Variants in MBNL2 observed in about 807,000 individuals in gnomAD.
MBNL2 encodes the protein muscleblind-like protein 2.
MBNL2 carries 17 observed loss-of-function variants against 41.9 expected under a neutral mutation model. The ratio of observed to expected loss-of-function variants is 0.41; its 90% CI spans 0.28 to 0.61. The LOEUF is 0.61. MBNL2 is among the 20% of genes least tolerant of loss of function. MBNL2 has a pLI of 0.35. For missense variants in MBNL2, 336 were observed against 505.6 expected (o/e 0.66, Z 3.22); for synonymous variants, 195 against 182.9 (o/e 1.07, Z -0.53).
At chr13:97,191,109 G>T in the MBNL2 span, among the ~76,000 whole-genome samples, 1 of 151,964 alleles carries the variant, frequency 6.6e-6, no homozygotes. Context: ...AAAAAGAGTT[G>T]TCACCAGCAC....
intron 1 of MBNL2, among the ~76,000 whole-genome samples, chr13:97,262,826 C>G (rs534793977): frequency 6.6e-6 from 1 of 152,106 alleles, no homozygotes; most frequent in Non-Finnish European, 1.5e-5. Context: ...TGCAGTGGCA[C>G]GATCTCAGCT....
At chr13:97,155,058 A>G in the MBNL2 span, among the ~76,000 whole-genome samples, 7 of 152,140 alleles carry the variant, frequency 4.6e-5, no homozygotes, top group Non-Finnish European at 1.0e-4. Context: ...CAATTGTGAG[A>G]TGAGCCCAAA....
At chr13:97,341,534 C>T (rs1451433795) in intron 3 of MBNL2, among the ~76,000 whole-genome samples, 1 of 152,100 alleles carries the variant, frequency 6.6e-6, no homozygotes, top group Non-Finnish European at 1.5e-5. Context: ...AAAATTCTAA[C>T]TGCCATCTAT....
chr13:97,174,719 A>G, the MBNL2 span, among the ~76,000 whole-genome samples: 6 of 152,194 alleles, frequency 3.9e-5, no homozygotes, highest in Non-Finnish European at 8.8e-5. Context: ...GCACACTTCA[A>G]TGCCAATTAA....
At chr13:97,206,623 G>A in the MBNL2 span, among the ~76,000 whole-genome samples, 81 of 152,232 alleles carry the variant, frequency 5.3e-4, 1 homozygote, top group Non-Finnish European at 1.1e-3. Flanking sequence ...AAGAATCTTA[G>A]GGACAGGAGA....
intron 2 of MBNL2, among the ~76,000 whole-genome samples, chr13:97,314,989 CTT>C (rs2058915697): frequency 6.6e-6 from 1 of 152,056 alleles, no homozygotes; most frequent in Non-Finnish European, 1.5e-5. Flanking sequence ...GTAATATACT[CTT>C]ATTAAAATGA....
intron 2 of MBNL2, among the ~76,000 whole-genome samples, chr13:97,284,873 T>G (rs890870643): frequency 6.6e-6 from 1 of 152,230 alleles, no homozygotes; most frequent in Admixed American, 6.5e-5. Context: ...TATAAATGAA[T>G]GGAGTACAAT....
chr13:97,167,814 A>G, the MBNL2 span, among the ~76,000 whole-genome samples: 2 of 152,214 alleles, frequency 1.3e-5, no homozygotes, highest in East Asian at 1.9e-4. Flanking sequence ...AGTACATTTC[A>G]TTCTGTCTCA....
intron 1 of MBNL2, among the ~76,000 whole-genome samples, chr13:97,251,270 A>G (rs1195307045): frequency 6.6e-6 from 1 of 151,746 alleles, no homozygotes; most frequent in Non-Finnish European, 1.5e-5. Flanking sequence ...GAATGTTTGT[A>G]ACATGGAGAA....
intron 1 of MBNL2, among the ~76,000 whole-genome samples, chr13:97,265,624 T>TA (rs933150442): frequency 6.6e-6 from 1 of 152,134 alleles, no homozygotes; most frequent in Non-Finnish European, 1.5e-5. Flanking sequence ...TAACTTTTAG[T>TA]AAAAAAGTTA....
the MBNL2 span, among the ~76,000 whole-genome samples, chr13:97,207,914 C>T: frequency 6.6e-6 from 1 of 152,274 alleles, no homozygotes; most frequent in African/African-American, 2.4e-5. Context: ...GCTACAGGCC[C>T]CATGCAAGTT....
the MBNL2 span, among the ~76,000 whole-genome samples, chr13:97,152,154 C>G: frequency 6.6e-6 from 1 of 151,960 alleles, no homozygotes; most frequent in Non-Finnish European, 1.5e-5. Flanking sequence ...AAGGAACATT[C>G]AGAACATTCT....
intron 7 of MBNL2, among the ~76,000 whole-genome samples, chr13:97,359,522 C>T (rs2063236528): frequency 6.6e-6 from 1 of 152,144 alleles, no homozygotes; most frequent in Non-Finnish European, 1.5e-5. Flanking sequence ...CATTTTAAAG[C>T]AAGGATAAAC....
intron 8 of MBNL2, among the ~76,000 whole-genome samples, chr13:97,377,563 C>T (rs1594289480): frequency 6.6e-6 from 1 of 152,118 alleles, no homozygotes; most frequent in South Asian, 2.1e-4. Flanking sequence ...AGTATTTTTT[C>T]CTAGTAATAA....
chr13:97,379,305 C>G (rs900725035), intron 8 of MBNL2, among the ~76,000 whole-genome samples: 1 of 152,342 alleles, frequency 6.6e-6, no homozygotes, highest in South Asian at 2.1e-4. Context: ...GCACCATTCA[C>G]TCTTCCCAGG....
intron 1 of MBNL2, among the ~76,000 whole-genome samples, chr13:97,242,027 A>G (rs1346802600): frequency 6.6e-6 from 1 of 152,044 alleles, no homozygotes; most frequent in Non-Finnish European, 1.5e-5. Context: ...GACACTTCCG[A>G]TGCCTTCTGA....
intron 1 of MBNL2, among the ~76,000 whole-genome samples, chr13:97,260,089 A>C (rs1438067166): frequency 1.3e-5 from 2 of 152,228 alleles, no homozygotes; most frequent in Non-Finnish European, 2.9e-5. Flanking sequence ...TTTGGAGGGA[A>C]ATAAAGCACG....
intron 7 of MBNL2, among the ~76,000 whole-genome samples, chr13:97,359,726 T>A (rs2063257244): frequency 6.6e-6 from 1 of 152,138 alleles, no homozygotes; most frequent in African/African-American, 2.4e-5. Context: ...AGCCAAAAAG[T>A]GGGTCCTAGC....
At chr13:97,341,357 T>A (rs1317219009) in intron 3 of MBNL2, among the ~76,000 whole-genome samples, 1 of 152,232 alleles carries the variant, frequency 6.6e-6, no homozygotes, top group African/African-American at 2.4e-5. Flanking sequence ...TGATTCTTTT[T>A]AAAAATCCTA....
Sources: gnomAD v4.1 joint callset for allele counts (sites outside exome capture counted in the v4.1 genomes callset) on GRCh38, gnomAD v4.1.1 for gene constraint, MANE v1.5 for transcripts, NCBI Gene and HGNC (gene_info 2026-07-23, HGNC 2026-07-21) for gene names.